WSB2: variants seen among roughly 807,000 people sequenced by gnomAD.
WSB2 encodes the protein WD repeat and SOCS box-containing protein 2.
In WSB2, 12 loss-of-function variants were observed where a neutral mutation model predicts 48.8. The observed-to-expected ratio is 0.25, with a 90% CI of 0.16 to 0.40. The LOEUF is 0.40. Ranked by LOEUF, WSB2 falls within the 10% of genes least tolerant of loss-of-function variation. The pLI, the probability that WSB2 is intolerant of heterozygous loss-of-function variation, is 1.00. For missense variants in WSB2, 317 were observed against 506.2 expected (o/e 0.63, Z 3.59); for synonymous variants, 191 against 203.1 (o/e 0.94, Z 0.51).
intron 4 of WSB2, among the ~76,000 whole-genome samples, chr12:118,039,694 T>C (rs1160105321): frequency 2.0e-5 from 3 of 152,186 alleles, no homozygotes; most frequent in Non-Finnish European, 4.4e-5. Flanking sequence ...TATGAATTTA[T>C]TTAAGTTTAT....
chr12:118,042,886 C>T lies in WSB2; in HGVS notation c.514G>A (p.Ala172Thr), dbSNP rs1396508625. Residue 172 changes from alanine (A) to threonine (T), a missense_variant, in exon 4 of 9, where the codon GCG (alanine) becomes ACG (threonine). By Grantham distance (58) the Ala-to-Thr change is moderately conservative. Around this residue, in one of 2 missense-constraint regions of WSB2, gnomAD observed 189 missense variants for 349.6 expected, o/e 0.54. Transcript: ENST00000315436. ...ATGCGAAGAGTCTTATCCCGTGACGCGGAGACCAAAATCAAACTGCCACTG... is the reference window on the plus strand; with the variant it reads ...ATGCGAAGAGTCTTATCCCGTGACGTGGAGACCAAAATCAAACTGCCACTG... ...TPSGSLILVS[A>T]SRDKTLRIWD... 6 of 1,614,166 alleles carry T rather than the reference C, an allele frequency of 3.7e-6. No individual in the cohort carries two copies. The highest frequency in any genetic ancestry group is 5.1e-6 in the Non-Finnish European group (6 of 1,180,036).
chr12:118,035,382 A>G (rs1222606337), intron 6 of WSB2, 58 bp from the exon 7 acceptor site: 3 of 1,506,416 alleles, frequency 2.0e-6, no homozygotes, highest in Admixed American at 3.4e-5. Context: ...TCCACCCTCC[A>G]TCATCACCCT....
chr12:118,055,518 G>A (rs1317647614), intron 1 of WSB2, among the ~76,000 whole-genome samples: 1 of 151,420 alleles, frequency 6.6e-6, no homozygotes, highest in Admixed American at 6.6e-5. Context: ...TTGAGACCAG[G>A]AATTCCGGAT....
upstream of WSB2, chr12:118,062,127 C>T: frequency 6.5e-7 from 1 of 1,535,396 alleles, no homozygotes; most frequent in Non-Finnish European, 8.7e-7. Flanking sequence ...CTGTCCCCGT[C>T]CCCCTGAGAA....
At chr12:118,037,582 C>T (rs1397872316) in intron 5 of WSB2, among the ~76,000 whole-genome samples, 1 of 151,506 alleles carries the variant, frequency 6.6e-6, no homozygotes, top group East Asian at 1.9e-4. Flanking sequence ...GCAGGAGAAT[C>T]GCTTGAACCC....
chr12:118,054,685 AATAAT>A (rs2031922110), intron 1 of WSB2, among the ~76,000 whole-genome samples: 13 of 92,992 alleles, frequency 1.4e-4, no homozygotes, highest in African/African-American at 5.0e-4. Context: ...CTCAAAAAAT[AATAAT>A]AATAATAATA....
At chr12:118,061,433 G>A (rs1190983915), upstream of WSB2, among the ~76,000 whole-genome samples, 5 of 150,838 alleles carry the variant, frequency 3.3e-5, no homozygotes, top group African/African-American at 1.2e-4. Context: ...GGGCGCGAAC[G>A]GGATAAAACC....
intron 2 of WSB2, among the ~76,000 whole-genome samples, chr12:118,045,009 C>T (rs969287601): frequency 7.9e-5 from 12 of 152,272 alleles, no homozygotes; most frequent in African/African-American, 2.6e-4. Context: ...TTTGCACCAA[C>T]CCAATATTAT....
At chr12:118,050,451 C>G (rs2031828817) in intron 2 of WSB2, among the ~76,000 whole-genome samples, 1 of 151,618 alleles carries the variant, frequency 6.6e-6, no homozygotes, top group Non-Finnish European at 1.5e-5. Context: ...GAGTTCAAGA[C>G]CAGCCTAGGC....
At chr12:118,052,009 T>C (rs1379865891) in intron 2 of WSB2, among the ~76,000 whole-genome samples, 1 of 152,128 alleles carries the variant, frequency 6.6e-6, no homozygotes, top group African/African-American at 2.4e-5. Context: ...ATGATGGTGA[T>C]GGATGCACAA....
chr12:118,035,018 T>G lies in WSB2; in HGVS notation c.1020A>C (p.Thr340=). The G allele has an allele frequency of 6.2e-7, 1 of 1,614,030 alleles. No homozygotes were observed. The highest frequency in any genetic ancestry group is 8.5e-7 in the Non-Finnish European group (1 of 1,180,014). The change falls in exon 8 of 9, where the codon ACA becomes ACC. Residue 340 remains threonine, a synonymous_variant. Transcript: ENST00000315436. ...CAATGACTCCACCATGTGGAAAAAA[T>G]GTGCAGCAAAGCCCATTGGTCATAG... ...FAPMTNGLCC[T]FFPHGGVIAT...
chr12:118,052,220 CCT>C, intron 2 of WSB2, 88 bp downstream of exon 2: 1 of 1,504,984 alleles, frequency 6.6e-7, no homozygotes, highest in Admixed American at 2.1e-5. Context: ...AGCCACCTTC[CCT>C]CTCTCTGGTT....
rs770594983 is a variant in WSB2 at position 118,034,145 on chromosome 12, T to G, written c.*51A>C. The G allele has an allele frequency of 2.4e-5, 39 of 1,608,992 alleles. 1 individual carries two copies. The South Asian group carries it at 4.3e-4, about 18-fold the overall frequency. ...TTGGCCCATTATTCCAGCAACTCCC[T>G]TTGACAGGACGATTTACCCTGCTAC... is the stretch of plus-strand genomic sequence containing the variant. On this transcript the variant is annotated 3_prime_UTR_variant, in exon 9 of 9. Transcript: ENST00000315436.
intron 2 of WSB2, 150 bp from the exon 3 acceptor site, chr12:118,043,527 C>T (rs1481665609): frequency 3.3e-6 from 4 of 1,221,888 alleles, no homozygotes; most frequent in Non-Finnish European, 3.4e-6. Flanking sequence ...TCACTGCAGC[C>T]TCGACCTCCC....
chr12:118,045,320 G>A (rs546700084), intron 2 of WSB2, among the ~76,000 whole-genome samples: 26 of 148,356 alleles, frequency 1.8e-4, no homozygotes, highest in Non-Finnish European at 2.5e-4. Context: ...AGCTGAGATC[G>A]CACCACTGCA....
intron 4 of WSB2, among the ~76,000 whole-genome samples, chr12:118,041,617 TCCC>T (rs1432688364): frequency 6.6e-6 from 1 of 151,510 alleles, no homozygotes; most frequent in Non-Finnish European, 1.5e-5. Flanking sequence ...CTCCTTCCAA[TCCC>T]TCCAGCCCCT....
chr12:118,033,042 T>A lies in WSB2; in HGVS notation c.*1154A>T, dbSNP rs2137754579. Reference sequence around the variant, plus strand: ...CGAGTCATGTAACGTTACACTGGCCTCCATAAAGCACCGATTAAGAAAGCT... The same window carrying A: ...CGAGTCATGTAACGTTACACTGGCCACCATAAAGCACCGATTAAGAAAGCT... On this transcript the variant is annotated 3_prime_UTR_variant, in exon 9 of 9. Transcript: ENST00000315436. 1 of 152,318 alleles carries A rather than the reference T, an allele frequency of 6.6e-6. No homozygotes were observed. Among genetic ancestry groups the A allele is most frequent in the East Asian group, 1.9e-4 (1 of 5,192 alleles). 9.4% of individuals were successfully genotyped at this position (152,318 alleles called of 1,614,324 possible).
rs187038684 is a variant in WSB2 at position 118,057,132 on chromosome 12, G to A, written c.13+3904C>T. Among the ~76,000 whole-genome samples, 732 of 152,212 alleles carry A rather than the reference G, an allele frequency of 4.8e-3. 23 individuals are homozygous for A. The highest frequency in any genetic ancestry group is 0.042 in the Admixed American group (648 of 15,280). On this transcript the variant is annotated intron_variant, in intron 1 of 8. Coordinates refer to ENST00000315436, the MANE Select transcript of WSB2 (RefSeq NM_018639.5). ...GGGCCCAAACTAAACTTGGCTACAC[G>A]GAGAGAAAGCCCTAATTAGTGCAGA... is the stretch of plus-strand genomic sequence containing the variant.
At chr12:118,052,583 T>G in intron 1 of WSB2, 105 bp from the exon 2 acceptor site, 2 of 1,526,068 alleles carry the variant, frequency 1.3e-6, no homozygotes, top group African/African-American at 1.4e-5. Flanking sequence ...ACACTATCCA[T>G]TCCCAGAGGG....
Sources: gnomAD v4.1 joint callset for allele counts (sites outside exome capture counted in the v4.1 genomes callset) on GRCh38, gnomAD v4.1.1 for gene constraint, gnomAD v4.1.1 regional missense constraint, MANE v1.5 for transcripts, NCBI Gene and HGNC (gene_info 2026-07-23, HGNC 2026-07-21) for gene names.